Variants in PDE1A observed in about 807,000 individuals in gnomAD.
PDE1A encodes the protein dual specificity calcium/calmodulin-dependent 3',5'-cyclic nucleotide phosphodiesterase 1A.
In PDE1A, 35 loss-of-function variants were observed where a neutral mutation model predicts 61.7. The ratio of observed to expected loss-of-function variants is 0.57; its 90% CI spans 0.43 to 0.75. The LOEUF (loss-of-function observed/expected upper bound fraction) is 0.75. Ranked by LOEUF, PDE1A falls within the 30% of genes least tolerant of loss-of-function variation. The pLI, the probability that PDE1A is intolerant of heterozygous loss-of-function variation, is 0.00. For missense variants in PDE1A, 597 were observed against 630.6 expected, an observed-to-expected ratio of 0.95 and a Z score of 0.57; for synonymous variants, 232 against 213.2, an observed-to-expected ratio of 1.09 and a Z score of -0.77.
chr2:182,239,978 T>A, intron 3 of PDE1A, 132 bp downstream of exon 3: 1 of 678,462 alleles, frequency 1.5e-6, no homozygotes. Context: ...CCAAATTTGT[T>A]CATTCTAGTT....
intron 2 of PDE1A, among the ~76,000 whole-genome samples, chr2:182,444,202 C>G (rs1684985924): frequency 1.3e-5 from 2 of 152,112 alleles, no homozygotes; most frequent in Non-Finnish European, 2.9e-5. Context: ...GTTTTAAGTT[C>G]CTTTGCCTAG....
At chr2:182,633,168 G>T in the PDE1A span, among the ~76,000 whole-genome samples, 1 of 152,320 alleles carries the variant, frequency 6.6e-6, no homozygotes, top group Admixed American at 6.5e-5. Context: ...CAGCAGGTCA[G>T]CATAAAATGG....
chr2:182,412,166 G>A (rs1237168349), intron 1 of PDE1A, among the ~76,000 whole-genome samples: 1 of 151,800 alleles, frequency 6.6e-6, no homozygotes, highest in Non-Finnish European at 1.5e-5. Flanking sequence ...TCTATATTTA[G>A]CCATTTCAGA....
At chr2:182,402,312 G>T (rs545279728) in intron 1 of PDE1A, among the ~76,000 whole-genome samples, 8 of 152,218 alleles carry the variant, frequency 5.3e-5, no homozygotes, top group African/African-American at 1.4e-4. Context: ...GCCTTGTACT[G>T]GTACCAAAAC....
At chr2:182,243,343 G>T (rs1559243423) in intron 2 of PDE1A, among the ~76,000 whole-genome samples, 1 of 152,172 alleles carries the variant, frequency 6.6e-6, no homozygotes, top group Non-Finnish European at 1.5e-5. Flanking sequence ...AAGATGATCA[G>T]ATAGTTAAGA....
intron 1 of PDE1A, among the ~76,000 whole-genome samples, chr2:182,265,662 G>A (rs562896561): frequency 6.6e-6 from 1 of 152,088 alleles, no homozygotes; most frequent in South Asian, 2.1e-4. Context: ...AATAAAGTAA[G>A]GTGATACAAA....
At chr2:182,215,024 T>C (rs2125559389) in intron 7 of PDE1A, among the ~76,000 whole-genome samples, 1 of 82,248 alleles carries the variant, frequency 1.2e-5, no homozygotes, top group South Asian at 4.4e-4. Flanking sequence ...AGTAAAGCTC[T>C]CCTCAGCAAA....
chr2:182,580,936 T>C, the PDE1A span, among the ~76,000 whole-genome samples: 1 of 152,114 alleles, frequency 6.6e-6, no homozygotes, highest in Non-Finnish European at 1.5e-5. Flanking sequence ...CTGCAAAATA[T>C]ATATGCCTCT....
chr2:182,231,034 T>A (rs771550733), exon 5 of PDE1A: 3 of 1,579,962 alleles, frequency 1.9e-6, no homozygotes, highest in Non-Finnish European at 2.6e-6. Context: ...GTTGATAAGA[T>A]CATATCTGGT....
chr2:182,489,474 G>A (rs981851859), intron 2 of PDE1A, among the ~76,000 whole-genome samples: 7 of 152,208 alleles, frequency 4.6e-5, no homozygotes, highest in South Asian at 2.1e-4. Context: ...TAGGGAGACC[G>A]TAGCAGGCCA....
chr2:182,554,691 C>CA, the PDE1A span, among the ~76,000 whole-genome samples: 1 of 152,162 alleles, frequency 6.6e-6, no homozygotes, highest in Admixed American at 6.6e-5. Context: ...AATGCATGCA[C>CA]AGCCTTCAAA....
chr2:182,177,997 T>G (rs1429051378), intron 13 of PDE1A, among the ~76,000 whole-genome samples: 4 of 152,214 alleles, frequency 2.6e-5, no homozygotes, highest in African/African-American at 9.6e-5. Context: ...AATCAAATAT[T>G]GTTTTTCATT....
intron 2 of PDE1A, among the ~76,000 whole-genome samples, chr2:182,476,906 A>C (rs1386776959): frequency 3.4e-5 from 5 of 146,948 alleles, no homozygotes; most frequent in East Asian, 2.0e-4. Flanking sequence ...AAAAAAAAAA[A>C]AAACTCTGAG....
At chr2:182,707,418 A>C in the PDE1A span, among the ~76,000 whole-genome samples, 3 of 152,202 alleles carry the variant, frequency 2.0e-5, no homozygotes, top group Admixed American at 1.3e-4. Context: ...AATGAGAAAG[A>C]GCAGAAACAA....
chr2:182,243,936 C>T (rs1450481862), intron 2 of PDE1A, among the ~76,000 whole-genome samples: 4 of 152,114 alleles, frequency 2.6e-5, no homozygotes, highest in South Asian at 2.1e-4. Context: ...GGTGCGATCT[C>T]GGCTCACCAC....
chr2:182,427,775 C>A (rs1291809172), upstream of PDE1A, among the ~76,000 whole-genome samples: 1 of 152,150 alleles, frequency 6.6e-6, no homozygotes, highest in East Asian at 1.9e-4. Context: ...CTTCCTGTAT[C>A]TGAATCACTA....
rs370054853 is a variant in PDE1A at position 182,479,722 on chromosome 2, CATA to C, written c.101+42551_101+42553del. Among the ~76,000 whole-genome samples the C allele has an allele frequency of 2.9e-3, 444 of 151,876 alleles. 3 individuals carry two copies. Among genetic ancestry groups the C allele is most frequent in the African/African-American group, 9.9e-3 (412 of 41,472 alleles). ...TTCTGCCTCTAGTATTTGTTGAGCA[CATA>C]ATAAAGTATAAATCATACATAATAG... On this transcript the variant is annotated intron_variant, in intron 2 of 14. Coordinates refer to the PDE1A transcript ENST00000410103.
chr2:182,662,898 A>T, the PDE1A span, among the ~76,000 whole-genome samples: 9 of 152,226 alleles, frequency 5.9e-5, no homozygotes, highest in Non-Finnish European at 1.2e-4. Context: ...CGGACAACCT[A>T]GAGAATGGGA....
intron 1 of PDE1A, among the ~76,000 whole-genome samples, chr2:182,402,812 A>C (rs1702080058): frequency 6.6e-6 from 1 of 152,224 alleles, no homozygotes; most frequent in African/African-American, 2.4e-5. Context: ...ATCTACAAAA[A>C]CTTAAACAAA....
Sources: allele counts gnomAD v4.1 joint callset (sites outside exome capture counted in the v4.1 genomes callset), GRCh38; gene constraint gnomAD v4.1.1; transcripts MANE v1.5; gene names NCBI Gene and HGNC (gene_info 2026-07-23, HGNC 2026-07-21).